Variants in RASL11A observed in about 807,000 individuals in gnomAD.
The protein encoded by RASL11A is ras-like protein family member 11A.
Under a neutral mutation model 17.1 loss-of-function variants are expected in RASL11A, and 14 were observed. The ratio of observed to expected loss-of-function variants is 0.82; its 90% CI spans 0.54 to 1.28. The LOEUF (loss-of-function observed/expected upper bound fraction) is 1.28. Ranked by LOEUF, RASL11A falls within the 50% of genes most tolerant of loss-of-function variation. The pLI, the probability that RASL11A is intolerant of heterozygous loss-of-function variation, is 0.00. For synonymous variants in RASL11A, 146 were observed against 132.5 expected, an observed-to-expected ratio of 1.10 and a Z score of -0.70; for missense variants, 283 against 312.3, an observed-to-expected ratio of 0.91 and a Z score of 0.71.
In RASL11A at chr13:27,271,050, G is replaced by A; in HGVS notation, c.106G>A (p.Gly36Ser). Reference sequence around the variant, plus strand: ...CATCAAACTGGCGGTGCTGGGCGCCGGCCGCGTGGGCAAGAGCGGTGAGTG... The same window carrying A: ...CATCAAACTGGCGGTGCTGGGCGCCAGCCGCGTGGGCAAGAGCGGTGAGTG... ...KDIKLAVLGA[G>S]RVGKSAMIVR... is the part of the protein sequence containing the mutation. Residue 36 changes from glycine to serine, a missense_variant, in exon 1 of 4, where the codon GGC (glycine) becomes AGC (serine). Transcript: ENST00000241463. The A allele has an allele frequency of 3.8e-6, 6 of 1,577,264 alleles. No individual in the cohort carries two copies. The highest frequency in any genetic ancestry group is 5.2e-6 in the Non-Finnish European group (6 of 1,161,348).
In RASL11A at chr13:27,273,690, C is replaced by CTTTTTT. The variant is rs11304490; in HGVS notation, c.*221_*226dup. On this transcript the variant is annotated 3_prime_UTR_variant, in exon 4 of 4. Transcript: ENST00000241463. ...ATTTTGTTTTGTTTTATTAAAAGAA[C>CTTTTTT]TTTTTTTTTTTTTTTTTTTTTTTTT... 2.2e-3 allele frequency: 157 copies of CTTTTTT among 72,508 alleles called. 5 individuals carry two copies. Among genetic ancestry groups the CTTTTTT allele is most frequent in the Non-Finnish European group, 3.2e-3 (127 of 39,978 alleles). 4.5% of individuals were successfully genotyped at this position (72,508 alleles called of 1,614,324 possible). A position where few individuals can be genotyped will look rare whatever the true frequency, so the allele number is the denominator to read the frequency against.
chr13:27,271,746 A>C, intron 3 of RASL11A, 28 bp downstream of exon 3: 215 of 1,576,192 alleles, frequency 1.4e-4, no homozygotes, highest in Non-Finnish European at 1.7e-4. Flanking sequence ...CAAACAGCTC[A>C]CCCCCACCCG....
In RASL11A at chr13:27,274,718, C is replaced by T. The variant is rs74041099; in HGVS notation, c.*1224C>T. Among the ~76,000 whole-genome samples the T allele has an allele frequency of 0.016, 2,363 of 152,332 alleles. 64 individuals carry two copies. The highest frequency in any genetic ancestry group is 0.053 in the African/African-American group (2,212 of 41,568). ...TGGAGCATTTGTGTTATAACCCAAC[C>T]CTGTCAGGTAGCTATTTGTTACTCC... is the stretch of plus-strand genomic sequence containing the variant. On this transcript the variant is annotated 3_prime_UTR_variant, in exon 4 of 4. Coordinates refer to ENST00000241463, the MANE Select transcript of RASL11A (RefSeq NM_206827.2).
In RASL11A at chr13:27,273,763, A is replaced by G. The variant is rs949022015; in HGVS notation, c.*269A>G. The G allele has an allele frequency of 5.9e-6, 2 of 337,398 alleles. No individual in the cohort carries two copies. Among genetic ancestry groups the G allele is most frequent in the African/African-American group, 2.4e-5 (1 of 42,304 alleles). 20.9% of individuals were successfully genotyped at this position (337,398 alleles called of 1,614,324 possible). On this transcript the variant is annotated 3_prime_UTR_variant, in exon 4 of 4. Coordinates refer to ENST00000241463, the MANE Select transcript of RASL11A (RefSeq NM_206827.2). ...CTTTTCCATTAAAGGCAAAATGGCA[A>G]CATTGCTCATTGTTTTCTCAATGTC...
In RASL11A at chr13:27,271,204, G is replaced by A. The variant is rs930216632; in HGVS notation, c.124+136G>A. The stretch of plus-strand genomic sequence containing the variant: ...GTAGAATCGGGCTGCTTTCGCGCTG[G>A]GTGGGTCCCGGTCCGTCCCGGCCTG... On this transcript the variant is annotated intron_variant, in intron 1 of 3. Transcript: ENST00000241463. 15 of 1,455,282 alleles carry A rather than the reference G, an allele frequency of 1.0e-5. No individual in the cohort carries two copies. In the African/African-American group the frequency reaches 1.1e-4, roughly 11 times the overall value. The allele number at this position is 1,455,282 out of a possible 1,614,324, so 90.1% of individuals were successfully genotyped here. A position where few individuals can be genotyped will look rare whatever the true frequency, so the allele number is the denominator to read the frequency against.
At position 27,273,845 on chromosome 13, in the gene RASL11A, G is replaced by C. The variant is rs182093220; in HGVS notation, c.*351G>C. Among the ~76,000 whole-genome samples, 2 of 152,068 alleles carry C rather than the reference G, an allele frequency of 1.3e-5. No homozygotes were observed. The highest frequency in any genetic ancestry group is 6.5e-5 in the Admixed American group (1 of 15,278). On this transcript the variant is annotated 3_prime_UTR_variant, in exon 4 of 4. Coordinates refer to ENST00000241463, the MANE Select transcript of RASL11A (RefSeq NM_206827.2). ...CAGTGCTGCTCCATGCTTGCCCTCA[G>C]TCTGAACTCTGATTGGTGTCTCGCA...
rs755424756 is a variant in RASL11A at position 27,273,466 on chromosome 13, A to G, written c.701A>G (p.Lys234Arg). ...CGCTTCAAGCAGGCTCTGTCTCCCA[A>G]AGTCAAAGCCCCCTCTGCACTGGGG... is the stretch of plus-strand genomic sequence containing the variant. ...KRRFKQALSP[K>R]VKAPSALG is the part of the protein sequence containing the mutation. The change falls in exon 4 of 4, where the codon AAA (lysine) becomes AGA (arginine). Residue 234 changes from lysine (K) to arginine (R), a missense_variant. Lys to Arg is a conservative substitution (Grantham distance 26). Coordinates refer to ENST00000241463, the MANE Select transcript of RASL11A (RefSeq NM_206827.2). 3 of 1,614,002 alleles carry G rather than the reference A, an allele frequency of 1.9e-6. No individual in the cohort carries two copies. The South Asian group carries it at 3.3e-5, about 18-fold the overall frequency.
In RASL11A at chr13:27,274,890, G is replaced by A. The variant is rs1882439225; in HGVS notation, c.*1396G>A. On this transcript the variant is annotated 3_prime_UTR_variant, in exon 4 of 4. Coordinates refer to ENST00000241463, the MANE Select transcript of RASL11A (RefSeq NM_206827.2). Reference sequence around the variant, plus strand: ...TGAATGCACCACTTATGGTGCCAAGGGTCAATGATGGGAGATTACCATGAA... The same window carrying A: ...TGAATGCACCACTTATGGTGCCAAGAGTCAATGATGGGAGATTACCATGAA... Among the ~76,000 whole-genome samples, 1 of 152,200 alleles carries A rather than the reference G, an allele frequency of 6.6e-6. No individual in the cohort carries two copies. The highest frequency in any genetic ancestry group is 2.1e-4 in the South Asian group (1 of 4,832).
rs1339393747 is a variant in RASL11A at position 27,274,791 on chromosome 13, G to A, written c.*1297G>A. ...GGCAGTAGCTGCATTTTATGATCCT[G>A]TCTTCCAATCTTCTAGTTCAGTGCT... On this transcript the variant is annotated 3_prime_UTR_variant, in exon 4 of 4. Coordinates refer to ENST00000241463, the MANE Select transcript of RASL11A (RefSeq NM_206827.2). Among the ~76,000 whole-genome samples, 1 of 152,196 alleles carries A rather than the reference G, an allele frequency of 6.6e-6. No individual in the cohort carries two copies.
chr13:27,272,762 G>C (rs1882333791), intron 3 of RASL11A, among the ~76,000 whole-genome samples: 1 of 152,194 alleles, frequency 6.6e-6, no homozygotes, highest in South Asian at 2.1e-4. Flanking sequence ...AGTCAGCCAT[G>C]GTTCACCAGA....
rs558508910 is a variant in RASL11A at position 27,274,689 on chromosome 13, T to C, written c.*1195T>C. Among the ~76,000 whole-genome samples, 1 of 152,368 alleles carries C rather than the reference T, an allele frequency of 6.6e-6. No homozygotes were observed. The highest frequency in any genetic ancestry group is 1.9e-4 in the East Asian group (1 of 5,188). ...AAATGCCTTCTCTGGTCTTCCTCTA[T>C]TCCTGGAGCATTTGTGTTATAACCC... On this transcript the variant is annotated 3_prime_UTR_variant, in exon 4 of 4. Coordinates refer to ENST00000241463, the MANE Select transcript of RASL11A (RefSeq NM_206827.2).
chr13:27,271,904 A>AG (rs1311356204), intron 3 of RASL11A, among the ~76,000 whole-genome samples, 186 bp downstream of exon 3: 3 of 152,194 alleles, frequency 2.0e-5, no homozygotes, highest in African/African-American at 7.2e-5. Flanking sequence ...AAACTCTCTA[A>AG]GGGGGAGGCA....
chr13:27,271,562 C>T (rs1882289859), intron 2 of RASL11A, 22 bp downstream of exon 2: 1 of 1,613,906 alleles, frequency 6.2e-7, no homozygotes, highest in Non-Finnish European at 8.5e-7. Context: ...TTCACGCTCC[C>T]TGCTTTTATG....
rs1418447683 is a variant in RASL11A, at chr13:27,273,025, A to C, written c.262-2A>C. 6.2e-7 allele frequency: 1 copy of C among 1,610,722 alleles called. No individual in the cohort carries two copies. The highest frequency in any genetic ancestry group is 8.5e-7 in the Non-Finnish European group (1 of 1,177,054). On this transcript the variant is annotated splice_acceptor_variant, in intron 3 of 3. Transcript: ENST00000241463. LOFTEE classifies it high-confidence loss of function. ...CTGGATCTCATTTTGATGTTTTCTC[A>C]GATCCAAGACAGCCTCCCCCAGGTC...
rs947457087 is a variant in RASL11A, at chr13:27,271,538, C to T, written c.179C>T (p.Thr60Ile). 1.2e-6 allele frequency: 2 copies of T among 1,614,090 alleles called. No individual in the cohort carries two copies. Among genetic ancestry groups the T allele is most frequent in the Non-Finnish European group, 1.7e-6 (2 of 1,179,906 alleles). The change falls in exon 2 of 4, where the codon ACA becomes ATA. Residue 60 changes from threonine (T) to isoleucine (I), a missense_variant and splice_region_variant. Transcript: ENST00000241463. ...KRFIGDYEPN[T>I]GKLYSRLVYV... ...TTCATTGGAGACTATGAACCGAATACAGGTGAGAATACTTTCACGCTCCCT... is the reference window on the plus strand; with the variant it reads ...TTCATTGGAGACTATGAACCGAATATAGGTGAGAATACTTTCACGCTCCCT...
chr13:27,270,977 G>A lies in RASL11A; in HGVS notation c.33G>A (p.Leu11=), dbSNP rs2137924137. The A allele has an allele frequency of 6.3e-7, 1 of 1,597,382 alleles. No individual in the cohort carries two copies. Among genetic ancestry groups the A allele is most frequent in the Non-Finnish European group, 8.5e-7 (1 of 1,172,608 alleles). Residue 11 remains leucine, a synonymous_variant, in exon 1 of 4, where the codon CTG becomes CTA. Transcript: ENST00000241463. ...CGCTCAGCATGTCCGGGCACTTTCT[G>A]CTCGCACCCATCCCCGAGTCCTCCT... The part of the protein sequence containing the change: MRPLSMSGHF[L]LAPIPESSSD...
chr13:27,273,512 C>G lies in RASL11A; in HGVS notation c.*18C>G. 6.3e-7 allele frequency: 1 copy of G among 1,581,136 alleles called. No individual in the cohort carries two copies. Among genetic ancestry groups the G allele is most frequent in the Non-Finnish European group, 8.7e-7 (1 of 1,153,900 alleles). ...TGGGGTGAACTATCTCAGACAGATG[C>G]CTCTCCTTTTTAATACGCATTTGTG... is the stretch of plus-strand genomic sequence containing the variant. On this transcript the variant is annotated 3_prime_UTR_variant, in exon 4 of 4. Transcript: ENST00000241463.
In RASL11A at chr13:27,273,236, G is replaced by A; in HGVS notation, c.471G>A (p.Val157=). Residue 157 remains valine, a synonymous_variant, in exon 4 of 4, where the codon GTG becomes GTA. Transcript: ENST00000241463. ...GGGACCTTTTGCATGCCCGGCAGGT[G>A]CAGACACAGGACGGTATTCAGCTAG... ...NKGDLLHARQ[V]QTQDGIQLAN... is the part of the protein sequence containing the mutation. 1 of 1,614,234 alleles carries A rather than the reference G, an allele frequency of 6.2e-7. No individual in the cohort carries two copies. The highest frequency in any genetic ancestry group is 8.5e-7 in the Non-Finnish European group (1 of 1,180,038).
chr13:27,271,866 C>T (rs1882303457), intron 3 of RASL11A, 148 bp downstream of exon 3: 1 of 631,766 alleles, frequency 1.6e-6, no homozygotes, highest in Non-Finnish European at 2.8e-6. Flanking sequence ...GGGCTGTCCA[C>T]AGGTGGGGCC....
Sources: allele counts gnomAD v4.1 joint callset (sites outside exome capture counted in the v4.1 genomes callset), GRCh38; gene constraint gnomAD v4.1.1; transcripts MANE v1.5; gene names NCBI Gene and HGNC (gene_info 2026-07-23, HGNC 2026-07-21).